FHIT: variants seen among roughly 807,000 people sequenced by gnomAD.
FHIT encodes bis(5'-adenosyl)-triphosphatase.
FHIT carries 19 observed loss-of-function variants against 17.9 expected under a neutral mutation model. The ratio of observed to expected loss-of-function variants is 1.06; its 90% CI spans 0.74 to 1.56. FHIT has a LOEUF of 1.56. Ranked by LOEUF, FHIT falls within the 40% of genes most tolerant of loss-of-function variation. The pLI, the probability that FHIT is intolerant of heterozygous loss-of-function variation, is 0.00. For missense variants in FHIT, 248 were observed against 189.2 expected (o/e 1.31, Z -1.82); for synonymous variants, 81 against 69.7 (o/e 1.16, Z -0.81).
intron 8 of FHIT, among the ~76,000 whole-genome samples, chr3:59,867,429 C>T (rs1316807220): frequency 6.6e-6 from 1 of 151,986 alleles, no homozygotes; most frequent in Non-Finnish European, 1.5e-5. Flanking sequence ...AATGAAATCT[C>T]AAGACAGAAA....
At chr3:61,203,179 C>CAA (rs397876939) in intron 1 of FHIT, among the ~76,000 whole-genome samples, 920 of 86,176 alleles carry the variant, frequency 0.011, 28 homozygotes, top group African/African-American at 0.029. Flanking sequence ...GACTCCGTCT[C>CAA]AAAAAAAAAA....
chr3:60,989,784 A>C (rs910925948), intron 3 of FHIT, among the ~76,000 whole-genome samples: 2 of 152,168 alleles, frequency 1.3e-5, no homozygotes, highest in African/African-American at 4.8e-5. Context: ...TAAGCAATGC[A>C]TTATCCCTGG....
At chr3:60,221,000 G>C (rs1248235344) in intron 5 of FHIT, among the ~76,000 whole-genome samples, 1 of 152,114 alleles carries the variant, frequency 6.6e-6, no homozygotes, top group Non-Finnish European at 1.5e-5. Flanking sequence ...GCTATTAAAA[G>C]GGTGGGCTAG....
chr3:60,748,331 A>G (rs1277375644), intron 4 of FHIT, among the ~76,000 whole-genome samples: 2 of 152,214 alleles, frequency 1.3e-5, no homozygotes, highest in Non-Finnish European at 2.9e-5. Flanking sequence ...TTATGTGCAT[A>G]TGGAAGCTTA....
chr3:60,512,074 C>G (rs956395374), intron 5 of FHIT, among the ~76,000 whole-genome samples: 1 of 152,094 alleles, frequency 6.6e-6, no homozygotes, highest in Non-Finnish European at 1.5e-5. Context: ...AAGCTAACAT[C>G]TTATATATCC....
chr3:60,549,657 A>G (rs965091749), intron 4 of FHIT, among the ~76,000 whole-genome samples: 1 of 152,192 alleles, frequency 6.6e-6, no homozygotes, highest in African/African-American at 2.4e-5. Flanking sequence ...TGCTAATAAA[A>G]ATTTGTCATG....
chr3:61,129,628 A>G (rs1267350803), intron 2 of FHIT, among the ~76,000 whole-genome samples: 1 of 152,194 alleles, frequency 6.6e-6, no homozygotes, highest in Non-Finnish European at 1.5e-5. Flanking sequence ...ATACAAATTC[A>G]AAGCAAGATC....
At chr3:60,529,809 T>G (rs932288816) in intron 5 of FHIT, among the ~76,000 whole-genome samples, 4 of 152,186 alleles carry the variant, frequency 2.6e-5, no homozygotes, top group Admixed American at 2.6e-4. Flanking sequence ...ATATTTGAAG[T>G]GTTGTCTAGA....
chr3:60,430,112 C>T (rs1702824436), intron 5 of FHIT, among the ~76,000 whole-genome samples: 1 of 151,912 alleles, frequency 6.6e-6, no homozygotes, highest in South Asian at 2.1e-4. Context: ...ACATATGGGG[C>T]AGAGCCGTCT....
At chr3:60,292,658 C>T (rs987848824) in intron 5 of FHIT, among the ~76,000 whole-genome samples, 3 of 152,042 alleles carry the variant, frequency 2.0e-5, no homozygotes, top group Non-Finnish European at 2.9e-5. Context: ...CAAGATATCC[C>T]ATACCCAAGC....
intron 1 of FHIT, among the ~76,000 whole-genome samples, chr3:61,201,207 T>C (rs1010636762): frequency 9.2e-5 from 14 of 152,216 alleles, no homozygotes; most frequent in African/African-American, 3.4e-4. Flanking sequence ...GACTGCAGCC[T>C]TCTCTCGGAA....
At position 60,012,614 on chromosome 3, in the gene FHIT, T is replaced by C. The variant is rs374583543; in HGVS notation, c.250-1214A>G. Among the ~76,000 whole-genome samples the C allele has an allele frequency of 2.0e-5, 3 of 152,186 alleles. No homozygotes were observed. In the East Asian group the frequency reaches 5.8e-4, roughly 29 times the overall value. ...ATAAAAACTATTAGACTGCACAGAA[T>C]GAGTAAACATTGTTTTGTGAAACTC... On this transcript the variant is annotated intron_variant, in intron 6 of 9. Transcript: ENST00000492590.
chr3:60,321,277 C>T (rs780289939), intron 5 of FHIT, among the ~76,000 whole-genome samples: 5 of 152,084 alleles, frequency 3.3e-5, no homozygotes, highest in Non-Finnish European at 7.4e-5. Context: ...CTCAGGAGTT[C>T]AAGATCAGCC....
intron 7 of FHIT, among the ~76,000 whole-genome samples, chr3:59,999,667 C>A (rs1699653165): frequency 6.6e-6 from 1 of 152,008 alleles, no homozygotes; most frequent in South Asian, 2.1e-4. Context: ...TGCAGTGGTG[C>A]AATTTCAGCT....
intron 5 of FHIT, among the ~76,000 whole-genome samples, chr3:60,233,293 G>C (rs1704597294): frequency 6.6e-6 from 1 of 152,106 alleles, no homozygotes; most frequent in African/African-American, 2.4e-5. Context: ...ATTTTATCCA[G>C]TACCCAGCTT....
intron 5 of FHIT, among the ~76,000 whole-genome samples, chr3:60,141,970 T>C (rs1372105069): frequency 6.6e-6 from 1 of 152,194 alleles, no homozygotes; most frequent in Non-Finnish European, 1.5e-5. Context: ...TTTAAGCTAT[T>C]AGCAGTTGAC....
intron 4 of FHIT, among the ~76,000 whole-genome samples, chr3:60,638,167 G>A (rs937689100): frequency 2.0e-5 from 3 of 152,056 alleles, no homozygotes; most frequent in Non-Finnish European, 4.4e-5. Context: ...AGAAACTAAG[G>A]GAAATTAAAC....
At chr3:59,838,206 C>T (rs1349474087) in intron 8 of FHIT, among the ~76,000 whole-genome samples, 1 of 152,134 alleles carries the variant, frequency 6.6e-6, no homozygotes, top group Non-Finnish European at 1.5e-5. Context: ...TAGCTAGGTT[C>T]CCTGACCCCA....
At chr3:60,451,826 T>A (rs1316471752) in intron 5 of FHIT, among the ~76,000 whole-genome samples, 1 of 151,952 alleles carries the variant, frequency 6.6e-6, no homozygotes, top group Non-Finnish European at 1.5e-5. Context: ...TCTAGCAATA[T>A]GGGAAAAAAA....
Sources: gnomAD v4.1 joint callset for allele counts (sites outside exome capture counted in the v4.1 genomes callset) on GRCh38, gnomAD v4.1.1 for gene constraint, MANE v1.5 for transcripts, NCBI Gene and HGNC (gene_info 2026-07-23, HGNC 2026-07-21) for gene names.